The following ANO4 variants were observed in gnomAD, a reference collection of about 807,000 sequenced individuals.
ANO4 encodes anoctamin-4.
A neutral mutation model predicts 141.9 loss-of-function variants in ANO4; 69 were observed. That is an observed-to-expected ratio of 0.49 (90% confidence interval 0.40 to 0.59). The LOEUF (loss-of-function observed/expected upper bound fraction) is 0.59, where lower values mean the gene tolerates loss of function less well. Ranked by LOEUF, ANO4 falls within the 20% of genes least tolerant of loss-of-function variation. ANO4 has a pLI of 0.00. For synonymous variants in ANO4, 350 were observed against 394.3 expected, an observed-to-expected ratio of 0.89 and a Z score of 1.33; for missense variants, 894 against 1,162.2, an observed-to-expected ratio of 0.77 and a Z score of 3.36.
chr12:101,068,634 A>G (rs968132462), intron 14 of ANO4: 3 of 1,363,400 alleles, frequency 2.2e-6, no homozygotes, highest in Non-Finnish European at 3.1e-6. Flanking sequence ...TTAAGGAGGT[A>G]GATGACTTCT....
intron 5 of ANO4, among the ~76,000 whole-genome samples, chr12:100,957,904 C>T (rs902270584): frequency 3.9e-5 from 6 of 152,180 alleles, no homozygotes; most frequent in African/African-American, 1.2e-4. Context: ...GATGGGGTTT[C>T]GCCATGTTGG....
At position 101,096,442 on chromosome 12, in the gene ANO4, GC is replaced by G. The variant is rs1442169939; in HGVS notation, c.1739-93del. ...CTCCTGCAGCCTCCTCAGGACTCCTGCGTCCCCACCCTGTGTGTGTGGGGAG... is the reference window on the plus strand; with the variant it reads ...CTCCTGCAGCCTCCTCAGGACTCCTGGTCCCCACCCTGTGTGTGTGGGGAG... On this transcript the variant is annotated intron_variant, in intron 18 of 27. Transcript: ENST00000392977. The G allele has an allele frequency of 1.2e-4, 115 of 989,648 alleles. 1 individual carries two copies. Among genetic ancestry groups the G allele is most frequent in the Non-Finnish European group, 7.8e-6 (5 of 636,984 alleles). The allele number at this position is 989,648 out of a possible 1,614,324, so 61.3% of individuals were successfully genotyped here.
chr12:100,987,809 A>G, intron 8 of ANO4, 139 bp downstream of exon 8: 2 of 1,226,024 alleles, frequency 1.6e-6, no homozygotes, highest in Non-Finnish European at 2.2e-6. Context: ...GTGAGTGTTC[A>G]TATCCCTTTT....
At chr12:100,875,177 T>C (rs1215569503) in intron 1 of ANO4, among the ~76,000 whole-genome samples, 1 of 152,126 alleles carries the variant, frequency 6.6e-6, no homozygotes. Flanking sequence ...TCATGTCGAA[T>C]TGTAATCCTC....
chr12:101,000,517 T>G (rs1592976571), intron 8 of ANO4, among the ~76,000 whole-genome samples: 1 of 152,186 alleles, frequency 6.6e-6, no homozygotes, highest in Non-Finnish European at 1.5e-5. Context: ...TTACGTAGGA[T>G]TAAGGTTCTT....
At chr12:101,001,026 G>GATGTATATTTATGTGTGC (rs1234647819) in intron 8 of ANO4, among the ~76,000 whole-genome samples, 1 of 152,068 alleles carries the variant, frequency 6.6e-6, no homozygotes, top group Non-Finnish European at 1.5e-5. Context: ...ACAATATGTT[G>GATGTATATTTATGTGTGC]ATGTATATTT....
upstream of ANO4, among the ~76,000 whole-genome samples, chr12:100,790,431 G>A (rs1200345797): frequency 2.6e-5 from 4 of 152,220 alleles, no homozygotes; most frequent in Admixed American, 1.3e-4. Flanking sequence ...ATTGGTTGCA[G>A]CCCCTAATTC....
intron 6 of ANO4, among the ~76,000 whole-genome samples, chr12:100,972,948 C>T (rs2043995575): frequency 6.6e-6 from 1 of 152,232 alleles, no homozygotes; most frequent in Non-Finnish European, 1.5e-5. Context: ...TCATGAATAA[C>T]ACTTCTGCAT....
At chr12:100,999,210 G>GGT (rs937338666) in intron 8 of ANO4, among the ~76,000 whole-genome samples, 17 of 152,198 alleles carry the variant, frequency 1.1e-4, no homozygotes, top group Non-Finnish European at 1.5e-5. Flanking sequence ...AGCTAATTAA[G>GGT]GTATGTCAAG....
chr12:100,759,625 G>A (rs1222081186), intron 3 of ANO4, among the ~76,000 whole-genome samples: 12 of 152,158 alleles, frequency 7.9e-5, no homozygotes, highest in Admixed American at 7.9e-4. Flanking sequence ...ATACCTACAT[G>A]CCAAGCCTAA....
chr12:100,846,516 G>A (rs2037567148), intron 1 of ANO4, among the ~76,000 whole-genome samples: 1 of 152,002 alleles, frequency 6.6e-6, no homozygotes, highest in Non-Finnish European at 1.5e-5. Context: ...TGGGACTAAA[G>A]CAATATCCTG....
intron 14 of ANO4, among the ~76,000 whole-genome samples, chr12:101,069,959 TG>T (rs1839202405): frequency 6.6e-6 from 1 of 152,040 alleles, no homozygotes. Context: ...CTTTGGCGTT[TG>T]TTTTTTTATA....
At chr12:100,784,346 C>G (rs117534558) in intron 3 of ANO4, among the ~76,000 whole-genome samples, 1,657 of 152,254 alleles carry the variant, frequency 0.011, 20 homozygotes, top group Non-Finnish European at 0.015. Flanking sequence ...CCCCTTGTCC[C>G]CTTTTGGAAC....
intron 7 of ANO4, among the ~76,000 whole-genome samples, chr12:100,979,121 T>C (rs1022086616): frequency 2.0e-5 from 3 of 151,760 alleles, no homozygotes; most frequent in African/African-American, 7.3e-5. Context: ...ATTAGAGAAG[T>C]AGAAGGAGAA....
At chr12:100,969,522 A>T (rs2043826406) in intron 5 of ANO4, among the ~76,000 whole-genome samples, 1 of 152,140 alleles carries the variant, frequency 6.6e-6, no homozygotes. Context: ...AGTATTTATA[A>T]CCCTTGAATG....
At chr12:100,903,981 C>G (rs975232118) in intron 2 of ANO4, among the ~76,000 whole-genome samples, 7 of 152,210 alleles carry the variant, frequency 4.6e-5, no homozygotes, top group African/African-American at 1.7e-4. Context: ...CCAACCTTTG[C>G]TCCTGCTGTT....
In ANO4 at chr12:100,781,246, A is replaced by C. The variant is rs546289570; in HGVS notation, c.358+41141A>C. 9.9e-4 allele frequency among the ~76,000 whole-genome samples: 151 copies of C among 152,322 alleles called. 1 individual carries two copies. Among genetic ancestry groups the C allele is most frequent in the Middle Eastern group, 3.4e-3 (1 of 294 alleles). On this transcript the variant is annotated intron_variant, in intron 3 of 29. Transcript: ENST00000644049. Reference sequence around the variant, plus strand: ...TATCAGACATTAAAATATTGATAAGAAAGATTTTATTTATAACAGTATTGG... The same window carrying C: ...TATCAGACATTAAAATATTGATAAGCAAGATTTTATTTATAACAGTATTGG...
chr12:101,104,609 G>GTA (rs1566254126), intron 22 of ANO4, among the ~76,000 whole-genome samples: 1 of 69,918 alleles, frequency 1.4e-5, no homozygotes, highest in Non-Finnish European at 2.4e-5. Flanking sequence ...GTGTGTGTGT[G>GTA]TGTGTGTATG....
chr12:100,736,626 A>G (rs530879847), intron 2 of ANO4, among the ~76,000 whole-genome samples: 50 of 152,196 alleles, frequency 3.3e-4, no homozygotes, highest in Non-Finnish European at 6.9e-4. Context: ...TCGAATCCCC[A>G]GTACCTGTGA....
Sources: gnomAD v4.1 joint callset for allele counts (sites outside exome capture counted in the v4.1 genomes callset) on GRCh38, gnomAD v4.1.1 for gene constraint, MANE v1.5 for transcripts, NCBI Gene and HGNC (gene_info 2026-07-23, HGNC 2026-07-21) for gene names.